ATRNL1: variants seen among roughly 807,000 people sequenced by gnomAD.
ATRNL1 encodes attractin-like protein 1.
In ATRNL1, 95 loss-of-function variants were observed where a neutral mutation model predicts 182.7. The ratio of observed to expected loss-of-function variants is 0.52; its 90% CI spans 0.44 to 0.62. The LOEUF (loss-of-function observed/expected upper bound fraction) is 0.62. Ranked by LOEUF, ATRNL1 falls within the 20% of genes least tolerant of loss-of-function variation. The pLI, the probability that ATRNL1 is intolerant of heterozygous loss-of-function variation, is 0.00. For missense variants in ATRNL1, 1,471 were observed against 1,679.5 expected (o/e 0.88, Z 2.17); for synonymous variants, 576 against 568.3 (o/e 1.01, Z -0.19).
At chr10:115,587,615 G>T (rs71472870) in intron 26 of ATRNL1, among the ~76,000 whole-genome samples, 1 of 150,740 alleles carries the variant, frequency 6.6e-6, no homozygotes, top group Admixed American at 6.6e-5. Flanking sequence ...GCCCGCTTCG[G>T]CTCGCGCATG....
In ATRNL1 at chr10:115,130,192, T is replaced by A. The variant is rs548842701; in HGVS notation, c.829+657T>A. Among the ~76,000 whole-genome samples the A allele has an allele frequency of 8.5e-5, 13 of 152,250 alleles. No individual in the cohort carries two copies. The South Asian group carries it at 2.7e-3, about 32-fold the overall frequency. ...TAAGAGATATGCTTATACATATACC[T>A]ACCCACCTAGAGCTTACTTTTTGCT... On this transcript the variant is annotated intron_variant, in intron 5 of 28. Coordinates refer to ENST00000355044, the MANE Select transcript of ATRNL1 (RefSeq NM_207303.4).
At chr10:115,916,282 C>T (rs781856691) in intron 28 of ATRNL1, among the ~76,000 whole-genome samples, 13 of 152,216 alleles carry the variant, frequency 8.5e-5, no homozygotes, top group Non-Finnish European at 1.9e-4. Context: ...CAGATTTAAG[C>T]TATAGCCTAA....
chr10:115,738,125 GATTTTTTTTTTT>G (rs1263184128), intron 27 of ATRNL1, among the ~76,000 whole-genome samples: 11 of 53,150 alleles, frequency 2.1e-4, no homozygotes, highest in Admixed American at 1.5e-3. Flanking sequence ...AGAAGATAAT[GATTTTTTTTTTT>G]TTTTTTTTTT....
chr10:115,673,409 A>T (rs782270202), intron 26 of ATRNL1, among the ~76,000 whole-genome samples: 4 of 152,086 alleles, frequency 2.6e-5, no homozygotes, highest in Non-Finnish European at 5.9e-5. Flanking sequence ...AAGCAACTAC[A>T]GTAAGAGCTG....
Position 115,507,351 on chromosome 10 carries a change from G to A in ATRNL1, c.3655-11912G>A, listed in dbSNP as rs1850163915. Among the ~76,000 whole-genome samples, 2 of 151,962 alleles carry A rather than the reference G, an allele frequency of 1.3e-5. 1 individual carries two copies. Among genetic ancestry groups the A allele is most frequent in the Admixed American group, 1.3e-4 (2 of 15,226 alleles). Reference sequence around the variant, plus strand: ...TCCTTTCTCAAGTGTTACATCTCTAGTAGATACTGCAATTCAATAAGTAAA... The same window carrying A: ...TCCTTTCTCAAGTGTTACATCTCTAATAGATACTGCAATTCAATAAGTAAA... On this transcript the variant is annotated intron_variant, in intron 24 of 28. Coordinates refer to ENST00000355044, the MANE Select transcript of ATRNL1 (RefSeq NM_207303.4).
At chr10:115,873,369 A>G (rs1341612813) in intron 28 of ATRNL1, among the ~76,000 whole-genome samples, 1 of 152,220 alleles carries the variant, frequency 6.6e-6, no homozygotes. Context: ...AGTAAATTTT[A>G]GTAGGATTGA....
In ATRNL1 at chr10:115,270,427, TTATA is replaced by T. The variant is rs552101518; in HGVS notation, c.2100+1988_2100+1991del. Among the ~76,000 whole-genome samples the T allele has an allele frequency of 7.0e-4, 100 of 142,898 alleles. 2 individuals carry two copies. The South Asian group carries it at 0.021, about 30-fold the overall frequency. 93.7% of individuals were successfully genotyped at this position (142,898 alleles called of 152,430 possible). A position where few individuals can be genotyped will look rare whatever the true frequency, so the allele number is the denominator to read the frequency against. ...ATATATAAATATAATATATATTTGT[TTATA>T]TATAATCTATAATATATGTGTATAT... On this transcript the variant is annotated intron_variant, in intron 13 of 28. Transcript: ENST00000355044.
chr10:115,182,835 A>G (rs1249764523), intron 8 of ATRNL1, among the ~76,000 whole-genome samples: 1 of 151,592 alleles, frequency 6.6e-6, no homozygotes, highest in East Asian at 1.9e-4. Flanking sequence ...AACCACAGGC[A>G]GTGAAGAGAA....
intron 26 of ATRNL1, among the ~76,000 whole-genome samples, chr10:115,578,437 T>A (rs1249496544): frequency 6.6e-6 from 1 of 151,796 alleles, no homozygotes; most frequent in Non-Finnish European, 1.5e-5. Flanking sequence ...ACTTTTTCTG[T>A]CATTGGTCTT....
intron 26 of ATRNL1, among the ~76,000 whole-genome samples, chr10:115,605,731 A>G (rs533064729): frequency 1.3e-5 from 2 of 152,112 alleles, no homozygotes; most frequent in Non-Finnish European, 2.9e-5. Flanking sequence ...CATCGAAAAA[A>G]TATCAGTGAC....
chr10:115,594,241 A>G (rs886435945), intron 26 of ATRNL1, among the ~76,000 whole-genome samples: 4 of 152,152 alleles, frequency 2.6e-5, no homozygotes, highest in Non-Finnish European at 2.9e-5. Flanking sequence ...GCATGATATC[A>G]TATGTGAATT....
At chr10:115,443,484 CTATT>C (rs1355150593) in intron 21 of ATRNL1, among the ~76,000 whole-genome samples, 5 of 151,574 alleles carry the variant, frequency 3.3e-5, no homozygotes, top group African/African-American at 4.9e-5. Flanking sequence ...ATATCTGAAT[CTATT>C]TATACCATTT....
rs534168076 is a variant in ATRNL1, at chr10:115,098,389, C to T, written c.293+4346C>T. On this transcript the variant is annotated intron_variant, in intron 1 of 28. Coordinates refer to ENST00000355044, the MANE Select transcript of ATRNL1 (RefSeq NM_207303.4). Reference sequence around the variant, plus strand: ...TTATACACGTAACTGTGAACTCTTTCCTCTCTGGTCTTTGCTTGGGTGATT... The same window carrying T: ...TTATACACGTAACTGTGAACTCTTTTCTCTCTGGTCTTTGCTTGGGTGATT... Among the ~76,000 whole-genome samples the T allele has an allele frequency of 2.0e-5, 3 of 149,992 alleles. No individual in the cohort carries two copies. The East Asian group carries it at 5.9e-4, about 29-fold the overall frequency.
chr10:115,244,318 A>T (rs1850540478), intron 10 of ATRNL1, among the ~76,000 whole-genome samples: 1 of 152,148 alleles, frequency 6.6e-6, no homozygotes, highest in Admixed American at 6.5e-5. Context: ...CAATATCGCT[A>T]ATCTTTGGGT....
chr10:115,398,344 A>G (rs1016981782), intron 20 of ATRNL1, among the ~76,000 whole-genome samples: 1 of 151,910 alleles, frequency 6.6e-6, no homozygotes, highest in South Asian at 2.1e-4. Flanking sequence ...TGATCGTCAA[A>G]AATTGTAACT....
At chr10:115,373,345 GC>G (rs1159689495) in intron 19 of ATRNL1, among the ~76,000 whole-genome samples, 76 of 151,996 alleles carry the variant, frequency 5.0e-4, no homozygotes, top group African/African-American at 1.8e-3. Context: ...AATTTGGATA[GC>G]TTTTATTTCT....
chr10:115,715,094 GCTGA>G (rs1171307009), intron 26 of ATRNL1, among the ~76,000 whole-genome samples: 4 of 152,036 alleles, frequency 2.6e-5, no homozygotes, highest in African/African-American at 4.8e-5. Flanking sequence ...CTGCAGAGGG[GCTGA>G]CTAAGTAAGA....
chr10:115,460,017 T>G (rs2134522925), intron 21 of ATRNL1, among the ~76,000 whole-genome samples: 1 of 152,336 alleles, frequency 6.6e-6, no homozygotes, highest in East Asian at 1.9e-4. Flanking sequence ...ACTCAGTCTT[T>G]TAAACATTGT....
intron 26 of ATRNL1, among the ~76,000 whole-genome samples, chr10:115,672,286 A>G (rs532289883): frequency 1.3e-5 from 2 of 152,210 alleles, no homozygotes; most frequent in Non-Finnish European, 2.9e-5. Context: ...GACTTGCCCT[A>G]GATTAAACAG....
Sources: gnomAD v4.1 joint callset for allele counts (sites outside exome capture counted in the v4.1 genomes callset) on GRCh38, gnomAD v4.1.1 for gene constraint, MANE v1.5 for transcripts, NCBI Gene and HGNC (gene_info 2026-07-23, HGNC 2026-07-21) for gene names.